The following AHNAK variants were observed in gnomAD, a reference collection of about 807,000 sequenced individuals.
The protein encoded by AHNAK is neuroblast differentiation-associated protein AHNAK.
A neutral mutation model predicts 37.8 loss-of-function variants in AHNAK; 23 were observed. That is an observed-to-expected ratio of 0.61 (90% CI 0.44 to 0.86). The LOEUF (loss-of-function observed/expected upper bound fraction) is 0.86. Among genes scored for constraint, AHNAK ranks in the 40% least tolerant of loss-of-function variants. The pLI is 0.00. For missense variants in AHNAK, 7,411 were observed against 7,319.4 expected (o/e 1.01, Z -0.46); for synonymous variants, 2,481 against 2,636.3 (o/e 0.94, Z 1.80).
chr11:62,530,918 G>C lies in AHNAK; in HGVS notation c.3499C>G (p.Pro1167Ala), dbSNP rs751667218. The part of the protein sequence containing the change: ...VSGPKVDIEA[P>A]DVSLEGPEGK... ...TCTGGACCTTCGAGGCTCACATCTG[G>C]GGCTTCGATGTCCACCTTGGGTCCT... Residue 1167 changes from proline (P) to alanine (A), a missense_variant, in exon 5 of 5, where the codon CCA becomes GCA. Pro to Ala is a conservative substitution (Grantham distance 27). Transcript: ENST00000378024. 35 of 1,613,324 alleles carry C rather than the reference G, an allele frequency of 2.2e-5. No homozygotes were observed. The highest frequency in any genetic ancestry group is 1.8e-5 in the Non-Finnish European group (21 of 1,179,910).
rs192236205 is a variant in AHNAK at position 62,544,348 on chromosome 11, G to T, written c.-100+2312C>A. 1.6e-4 allele frequency among the ~76,000 whole-genome samples: 24 copies of T among 152,174 alleles called. 1 individual carries two copies. The South Asian group carries it at 4.8e-3, about 30-fold the overall frequency. On this transcript the variant is annotated intron_variant, in intron 1 of 4. Coordinates refer to ENST00000378024, the MANE Select transcript of AHNAK (RefSeq NM_001620.3). ...GGGGTTGGCTCCTCAAGGAGTTCCCGGACCAGGACCCCTGAATCGCTGCTG... is the reference window on the plus strand; with the variant it reads ...GGGGTTGGCTCCTCAAGGAGTTCCCTGACCAGGACCCCTGAATCGCTGCTG...
chr11:62,465,334 G>T (rs1421824556), intron 5 of AHNAK, among the ~76,000 whole-genome samples: 1 of 152,150 alleles, frequency 6.6e-6, no homozygotes, highest in African/African-American at 2.4e-5. Context: ...CCGTGCGGTC[G>T]CTGGGCATGG....
chr11:62,444,889 G>T (rs1014965100), intron 5 of AHNAK, among the ~76,000 whole-genome samples: 2 of 152,212 alleles, frequency 1.3e-5, no homozygotes, highest in Non-Finnish European at 2.9e-5. Flanking sequence ...GTGAAGTCCA[G>T]GCAGCCCAGC....
At chr11:62,545,401 C>A (rs2134277457) in intron 1 of AHNAK, among the ~76,000 whole-genome samples, 1 of 152,336 alleles carries the variant, frequency 6.6e-6, no homozygotes, top group African/African-American at 2.4e-5. Flanking sequence ...CCCCTGGAGT[C>A]CCTCATGGTC....
In AHNAK at chr11:62,516,378, A is replaced by T. The variant is rs373663963; in HGVS notation, c.*366T>A. On this transcript the variant is annotated 3_prime_UTR_variant, in exon 5 of 5. Coordinates refer to ENST00000378024, the MANE Select transcript of AHNAK (RefSeq NM_001620.3). ...GCCCCCAAAGTCATTACAATGAAAA[A>T]GTGGGTTTCCATTACCCCAAAACTA... The T allele has an allele frequency of 1.6e-6, 2 of 1,273,666 alleles. No homozygotes were observed. Among genetic ancestry groups the T allele is most frequent in the African/African-American group, 1.5e-5 (1 of 65,310 alleles). 78.9% of individuals were successfully genotyped at this position (1,273,666 alleles called of 1,614,324 possible). A position where few individuals can be genotyped will look rare whatever the true frequency, so the allele number is the denominator to read the frequency against.
rs924970889 is a variant in AHNAK, at chr11:62,532,124, C to G, written c.2293G>C (p.Glu765Gln). 1 of 1,614,004 alleles carries G rather than the reference C, an allele frequency of 6.2e-7. No individual in the cohort carries two copies. Residue 765 changes from glutamate (E) to glutamine (Q), a missense_variant, in exon 5 of 5, where the codon GAG becomes CAG. Physicochemically the swap from Glu to Gln is conservative, Grantham distance 29. Transcript: ENST00000378024. Reference protein sequence around the residue: ...PKFSVPGFKAEGPEVDVNLPK... With the variant: ...PKFSVPGFKAQGPEVDVNLPK... ...AGGTTCACATCCACTTCTGGGCCCT[C>G]TGCTTTGAACCCTGGCACACTGAAT... is the stretch of plus-strand genomic sequence containing the variant.
chr11:62,512,511 T>C (rs937494158), downstream of AHNAK, among the ~76,000 whole-genome samples: 4 of 152,170 alleles, frequency 2.6e-5, no homozygotes, highest in African/African-American at 9.7e-5. This position sits in a 1 kb window ranked among gnomAD's most constrained non-coding sequence, Gnocchi z 4.0. Context: ...CTCCATAAAC[T>C]GTCTCTTTAT....
In AHNAK at chr11:62,531,891, C is replaced by T; in HGVS notation, c.2526G>A (p.Lys842=). The change falls in exon 5 of 5, where the codon AAG becomes AAA. Residue 842 remains lysine, a synonymous_variant. Transcript: ENST00000378024. ...CAGGAACTTTAATCTCACTTTCAAC[C>T]TTTGGCATTGTGACATCATATTCTC... ...VKGEYDVTMP[K]VESEIKVPDV... 1 of 1,613,350 alleles carries T rather than the reference C, an allele frequency of 6.2e-7. No individual in the cohort carries two copies. Among genetic ancestry groups the T allele is most frequent in the South Asian group, 1.1e-5 (1 of 91,034 alleles).
Position 62,520,558 on chromosome 11 carries a change from C to G in AHNAK, c.13859G>C (p.Gly4620Ala). The G allele has an allele frequency of 6.2e-7, 1 of 1,614,184 alleles. No homozygotes were observed. The highest frequency in any genetic ancestry group is 1.7e-5 in the Admixed American group (1 of 60,018). ...DMDISLPKVEGDLKGPEVDIR... is the reference protein window; with the variant it reads ...DMDISLPKVEADLKGPEVDIR... ...GTCAACTTCGGGGCCCTTGAGGTCGCCTTCCACTTTGGGCAGAGAAATGTC... is the reference window on the plus strand; with the variant it reads ...GTCAACTTCGGGGCCCTTGAGGTCGGCTTCCACTTTGGGCAGAGAAATGTC... Residue 4620 changes from glycine to alanine, a missense_variant, in exon 5 of 5, where the codon GGC (glycine) becomes GCC (alanine). Coordinates refer to ENST00000378024, the MANE Select transcript of AHNAK (RefSeq NM_001620.3).
rs763348416 is a variant in AHNAK, at chr11:62,524,600, C to G, written c.9817G>C (p.Asp3273His). ...DAPDIDIHGP[D>H]AKLKGPKLKM... ...AGTTTTGGACCTTTTAATTTGGCAT[C>G]TGGGCCATGAATGTCAATATCTGGA... The change falls in exon 5 of 5, where the codon GAT becomes CAT. Residue 3273 changes from aspartate (D) to histidine (H), a missense_variant. Asp to His is a moderately conservative substitution (Grantham distance 81). Coordinates refer to ENST00000378024, the MANE Select transcript of AHNAK (RefSeq NM_001620.3). The G allele has an allele frequency of 1.2e-6, 2 of 1,614,048 alleles. No individual in the cohort carries two copies. The highest frequency in any genetic ancestry group is 1.7e-6 in the Non-Finnish European group (2 of 1,179,992).
chr11:62,521,507 CA>C lies in AHNAK; in HGVS notation c.12909del (p.Asp4304MetfsTer2), dbSNP rs928546528. 1.4e-5 allele frequency: 23 copies of C among 1,612,706 alleles called. No individual in the cohort carries two copies. In the Admixed American group the frequency reaches 2.7e-4, roughly 19 times the overall value. ...IKGPKVDIDA[P>X]DVDVHGPDWH... is the part of the protein sequence containing the mutation. ...CAGTCTGGGCCATGAACATCTACATCAGGGGCATCGATGTCCACTTTGGGGC... is the reference window on the plus strand; with the variant it reads ...CAGTCTGGGCCATGAACATCTACATCGGGGCATCGATGTCCACTTTGGGGC... On this transcript the variant is annotated frameshift_variant, in exon 5 of 5. Coordinates refer to ENST00000378024, the MANE Select transcript of AHNAK (RefSeq NM_001620.3). LOFTEE classifies it low-confidence loss of function (END_TRUNC).
chr11:62,485,477 C>T (rs1293759213), intron 5 of AHNAK, among the ~76,000 whole-genome samples: 1 of 151,750 alleles, frequency 6.6e-6, no homozygotes, highest in Admixed American at 6.6e-5. Context: ...CCGAGGCGGG[C>T]GGATCACAAG....
At chr11:62,512,894 G>A (rs1939939993), downstream of AHNAK, among the ~76,000 whole-genome samples, 2 of 150,822 alleles carry the variant, frequency 1.3e-5, no homozygotes, top group Non-Finnish European at 1.5e-5. This position sits in a 1 kb window ranked among gnomAD's most constrained non-coding sequence, Gnocchi z 4.0. Context: ...GAGGGAGGGA[G>A]GAAGGGAAGG....
intron 5 of AHNAK, among the ~76,000 whole-genome samples, chr11:62,460,005 C>G (rs1938749554): frequency 6.6e-6 from 1 of 151,892 alleles, no homozygotes; most frequent in African/African-American, 2.4e-5. Context: ...CTGGGCATAG[C>G]TATTCGGGAG....
chr11:62,476,612 G>A (rs570621907), intron 5 of AHNAK, among the ~76,000 whole-genome samples: 2 of 152,238 alleles, frequency 1.3e-5, no homozygotes, highest in Non-Finnish European at 2.9e-5. Flanking sequence ...TGCCTCATGA[G>A]CTGAGCAAAA....
Position 62,521,120 on chromosome 11 carries a change from C to T in AHNAK, c.13297G>A (p.Val4433Ile), listed in dbSNP as rs151235042. The change falls in exon 5 of 5, where the codon GTC becomes ATC. Residue 4433 changes from valine (V) to isoleucine (I), a missense_variant. By Grantham distance (29) the Val-to-Ile change is conservative. Coordinates refer to ENST00000378024, the MANE Select transcript of AHNAK (RefSeq NM_001620.3). ...GPSLDIDTPDVNIEGPEGKLK... is the reference protein window; with the variant it reads ...GPSLDIDTPDINIEGPEGKLK... ...TTTCCTTCCGGACCTTCAATATTGA[C>T]ATCAGGTGTGTCAATGTCCAAACTG... The T allele has an allele frequency of 5.0e-6, 8 of 1,613,874 alleles. No individual in the cohort carries two copies. In the African/African-American group the frequency reaches 6.7e-5, roughly 13 times the overall value.
At chr11:62,546,494 G>A (rs1941315678) in intron 1 of AHNAK, among the ~76,000 whole-genome samples, 166 bp downstream of exon 1, 1 of 152,240 alleles carries the variant, frequency 6.6e-6, no homozygotes, top group African/African-American at 2.4e-5. Flanking sequence ...CTCCCAGAGA[G>A]CGACGCGTCG....
rs1430442461 is a variant in AHNAK, at chr11:62,518,123, C to T, written c.16294G>A (p.Glu5432Lys). 8 of 1,614,032 alleles carry T rather than the reference C, an allele frequency of 5.0e-6. No individual in the cohort carries two copies. Among genetic ancestry groups the T allele is most frequent in the African/African-American group, 2.7e-5 (2 of 74,910 alleles). The change falls in exon 5 of 5, where the codon GAA becomes AAA. Residue 5432 changes from glutamate to lysine, a missense_variant. Physicochemically the swap from Glu to Lys is moderately conservative, Grantham distance 56. Transcript: ENST00000378024. The stretch of plus-strand genomic sequence containing the variant: ...ACATCCACACCTGGCCCCTTCAGTT[C>T]GCCAGAAACCTGTGGCCCCTTGGCA... ...VNAKGPQVSG[E>K]LKGPGVDVNL...
At chr11:62,460,031 T>C (rs1938750031) in intron 5 of AHNAK, among the ~76,000 whole-genome samples, 1 of 151,198 alleles carries the variant, frequency 6.6e-6, no homozygotes, top group Non-Finnish European at 1.5e-5. Flanking sequence ...GGCAGGAGAA[T>C]CGCTTGAACC....
Sources: allele counts gnomAD v4.1 joint callset (sites outside exome capture counted in the v4.1 genomes callset), GRCh38; gene constraint gnomAD v4.1.1; non-coding constraint Gnocchi (gnomAD v3.1); transcripts MANE v1.5; gene names NCBI Gene and HGNC (gene_info 2026-07-23, HGNC 2026-07-21).